RUNX1: variants seen among roughly 807,000 people sequenced by gnomAD.
The protein encoded by RUNX1 is runt-related transcription factor 1.
A neutral mutation model predicts 42.8 loss-of-function variants in RUNX1; 19 were observed. The observed-to-expected ratio is 0.44, with a 90% CI of 0.31 to 0.65. RUNX1 has a LOEUF of 0.65. Ranked by LOEUF, RUNX1 falls within the 30% of genes least tolerant of loss-of-function variation. The pLI is 0.07. For missense variants in RUNX1, 528 were observed against 672.0 expected (o/e 0.79, Z 2.37); for synonymous variants, 271 against 289.4 (o/e 0.94, Z 0.64).
chr21:34,937,401 T>A (rs2058494347), intron 2 of RUNX1, among the ~76,000 whole-genome samples: 1 of 151,486 alleles, frequency 6.6e-6, no homozygotes, highest in South Asian at 2.1e-4. Context: ...GGGGATAATG[T>A]CTCTGAAATC....
intron 7 of RUNX1, among the ~76,000 whole-genome samples, chr21:34,803,203 G>A (rs1188522866): frequency 6.6e-6 from 1 of 152,040 alleles, no homozygotes; most frequent in Non-Finnish European, 1.5e-5. Context: ...GGATTAGGAT[G>A]GAGAAGGCAG....
intron 7 of RUNX1, among the ~76,000 whole-genome samples, chr21:34,804,336 AAG>A (rs1455171789): frequency 2.0e-5 from 3 of 152,180 alleles, no homozygotes; most frequent in Admixed American, 6.5e-5. Flanking sequence ...TTATGGCTGA[AAG>A]AGCTTCAACA....
At chr21:34,878,449 T>C (rs1196419123) in intron 5 of RUNX1, among the ~76,000 whole-genome samples, 1 of 151,884 alleles carries the variant, frequency 6.6e-6, no homozygotes, top group Non-Finnish European at 1.5e-5. Flanking sequence ...TTGGGTCAAA[T>C]GTTCCATTAG....
chr21:34,857,048 T>C (rs2057503871), intron 6 of RUNX1, among the ~76,000 whole-genome samples: 1 of 152,180 alleles, frequency 6.6e-6, no homozygotes, highest in Non-Finnish European at 1.5e-5. Context: ...CAAGTCAACC[T>C]GGGAGTCTGC....
At chr21:34,856,951 C>T (rs749539108) in intron 6 of RUNX1, among the ~76,000 whole-genome samples, 1 of 152,174 alleles carries the variant, frequency 6.6e-6, no homozygotes, top group Admixed American at 6.5e-5. Context: ...TGAATGAAGA[C>T]GTTCAAACCA....
chr21:34,939,485 T>C (rs146020399), intron 2 of RUNX1, among the ~76,000 whole-genome samples: 10 of 152,254 alleles, frequency 6.6e-5, no homozygotes, highest in African/African-American at 2.2e-4. Context: ...AGAAAACACG[T>C]AAGAGAGAGT....
chr21:34,825,015 A>C (rs1036173861), intron 7 of RUNX1, among the ~76,000 whole-genome samples: 1 of 152,248 alleles, frequency 6.6e-6, no homozygotes, highest in Non-Finnish European at 1.5e-5. Context: ...TCATGACTAC[A>C]GTAAAAGTTT....
At chr21:34,836,341 T>C (rs2057146161) in intron 6 of RUNX1, among the ~76,000 whole-genome samples, 1 of 152,206 alleles carries the variant, frequency 6.6e-6, no homozygotes, top group Non-Finnish European at 1.5e-5. Flanking sequence ...GCAACCCCCA[T>C]CATCCCTTTC....
chr21:34,796,169 T>C (rs2056524927), intron 8 of RUNX1, among the ~76,000 whole-genome samples: 1 of 152,242 alleles, frequency 6.6e-6, no homozygotes, highest in Admixed American at 6.5e-5. Flanking sequence ...AAAATAGTTC[T>C]TTCACTTGTG....
chr21:34,803,248 A>T (rs1054031931), intron 7 of RUNX1, among the ~76,000 whole-genome samples: 2 of 151,962 alleles, frequency 1.3e-5, no homozygotes, highest in Non-Finnish European at 2.9e-5. Context: ...TGTTTCTATT[A>T]AAAAATACTG....
chr21:34,939,202 GA>G (rs1301177159), intron 2 of RUNX1, among the ~76,000 whole-genome samples: 1 of 152,096 alleles, frequency 6.6e-6, no homozygotes, highest in Non-Finnish European at 1.5e-5. Context: ...TTATCCTCTG[GA>G]ACAAAACAGT....
At chr21:35,018,823 C>G (rs888171585) in intron 2 of RUNX1, among the ~76,000 whole-genome samples, 18 of 152,128 alleles carry the variant, frequency 1.2e-4, no homozygotes, top group African/African-American at 4.3e-4. Flanking sequence ...TGCCTTTGTA[C>G]AGTGTCCAAC....
At chr21:34,967,199 A>T (rs1169039492) in intron 2 of RUNX1, among the ~76,000 whole-genome samples, 1 of 151,354 alleles carries the variant, frequency 6.6e-6, no homozygotes, top group Non-Finnish European at 1.5e-5. Flanking sequence ...AGGCGCCTGT[A>T]ATCACAGCTA....
chr21:35,049,016 T>A (rs954296934), intron 1 of RUNX1, 58 bp from the exon 2 acceptor site: 1 of 846,630 alleles, frequency 1.2e-6, no homozygotes, highest in Non-Finnish European at 2.0e-6. Context: ...TAGCCCTACA[T>A]CTCTCTTTCT....
At chr21:34,908,911 T>C (rs2058248091) in intron 2 of RUNX1, among the ~76,000 whole-genome samples, 1 of 152,130 alleles carries the variant, frequency 6.6e-6, no homozygotes, top group Non-Finnish European at 1.5e-5. Context: ...ACCTTTCTTC[T>C]ATATTTTCTT....
At chr21:34,892,357 T>C (rs2058089639) in intron 3 of RUNX1, among the ~76,000 whole-genome samples, 1 of 152,196 alleles carries the variant, frequency 6.6e-6, no homozygotes, top group African/African-American at 2.4e-5. Flanking sequence ...TTTTCAAATC[T>C]AATTACTATG....
intron 7 of RUNX1, among the ~76,000 whole-genome samples, chr21:34,831,208 A>T (rs912954994): frequency 1.3e-5 from 2 of 151,724 alleles, no homozygotes; most frequent in Admixed American, 6.6e-5. Flanking sequence ...ACTCATGACA[A>T]AATGGCTTTC....
intron 2 of RUNX1, among the ~76,000 whole-genome samples, chr21:34,911,350 A>G (rs1016410214): frequency 7.2e-5 from 11 of 152,242 alleles, no homozygotes; most frequent in African/African-American, 2.7e-4. Context: ...CTATTACCAG[A>G]CATCTCATAG....
intron 3 of RUNX1, among the ~76,000 whole-genome samples, chr21:34,889,043 G>A (rs2146430055): frequency 6.6e-6 from 1 of 151,348 alleles, no homozygotes; most frequent in South Asian, 2.1e-4. Context: ...GAAAAAGAAA[G>A]CAGGCCCCGC....
Sources: gnomAD v4.1 joint callset for allele counts (sites outside exome capture counted in the v4.1 genomes callset) on GRCh38, gnomAD v4.1.1 for gene constraint, MANE v1.5 for transcripts, NCBI Gene and HGNC (gene_info 2026-07-23, HGNC 2026-07-21) for gene names.